SHC2: variants seen among roughly 807,000 people sequenced by gnomAD.
SHC2 encodes SHC-transforming protein 2.
In SHC2, 62 loss-of-function variants were observed where a neutral mutation model predicts 60.6. The ratio of observed to expected loss-of-function variants is 1.02; its 90% CI spans 0.83 to 1.26. SHC2 has a LOEUF of 1.26. Ranked by LOEUF, SHC2 falls within the 50% of genes most tolerant of loss-of-function variation. The pLI, the probability that SHC2 is intolerant of heterozygous loss-of-function variation, is 0.00. For missense variants in SHC2, 873 were observed against 822.2 expected (o/e 1.06, Z -0.76); for synonymous variants, 375 against 372.4 (o/e 1.01, Z -0.08).
At chr19:452,976 G>A (rs79621546) in intron 1 of SHC2, among the ~76,000 whole-genome samples, 3,382 of 152,252 alleles carry the variant, frequency 0.022, 129 homozygotes, top group African/African-American at 0.076. Context: ...GAGGGAGAAC[G>A]GCCGGAGTCT....
Position 434,833 on chromosome 19 carries a change from TC to T in SHC2, c.985del (p.Asp329ThrfsTer24). On this transcript the variant is annotated frameshift_variant, in exon 8 of 13. Coordinates refer to ENST00000264554, the MANE Select transcript of SHC2 (RefSeq NM_012435.3). LOFTEE classifies it high-confidence loss of function. ...ATTGTGCTCCAAAGAGTCCTCCTCG[TC>T]CCCCCAGGCCGACTCCTCCGGCCCT... The part of the protein sequence containing the change: ...LAGPEESAWG[D>X]EEDSLEHNYY... 1 of 1,611,652 alleles carries T rather than the reference TC, an allele frequency of 6.2e-7. No individual in the cohort carries two copies. Among genetic ancestry groups the T allele is most frequent in the South Asian group, 1.1e-5 (1 of 91,052 alleles).
intron 12 of SHC2, among the ~76,000 whole-genome samples, 161 bp downstream of exon 12, chr19:418,762 G>A (rs1041047339): frequency 6.6e-6 from 1 of 152,128 alleles, no homozygotes; most frequent in Non-Finnish European, 1.5e-5. Context: ...AGAATGTTCT[G>A]GAATTCGACA....
intron 5 of SHC2, 66 bp downstream of exon 5, chr19:436,564 A>T: frequency 6.3e-7 from 1 of 1,587,928 alleles, no homozygotes; most frequent in Non-Finnish European, 8.6e-7. Context: ...CTGGGGAAGG[A>T]TGAGAGGGTC....
Position 425,471 on chromosome 19 carries a change from C to A in SHC2, c.1175-240G>T, listed in dbSNP as rs1974392768. Reference sequence around the variant, plus strand: ...GGGACAAGAGTGGGGCAGCGTGCGGCTGGGGCTGTGGGCACCAGACGTCCA... The same window carrying A: ...GGGACAAGAGTGGGGCAGCGTGCGGATGGGGCTGTGGGCACCAGACGTCCA... On this transcript the variant is annotated intron_variant, in intron 9 of 12. Transcript: ENST00000264554. This position sits in a 1 kb window ranked among gnomAD's most constrained non-coding sequence, Gnocchi z 4.1. 6.6e-6 allele frequency among the ~76,000 whole-genome samples: 1 copy of A among 152,190 alleles called. No individual in the cohort carries two copies. The highest frequency in any genetic ancestry group is 2.4e-5 in the African/African-American group (1 of 41,450).
At position 425,299 on chromosome 19, in the gene SHC2, G is replaced by A. The variant is rs903593809; in HGVS notation, c.1175-68C>T. Reference sequence around the variant, plus strand: ...GCGAGGGGCTCGCAGGGAGCAAGGCGGGGTCCCACGAGGAGCTCCCCCGGC... The same window carrying A: ...GCGAGGGGCTCGCAGGGAGCAAGGCAGGGTCCCACGAGGAGCTCCCCCGGC... On this transcript the variant is annotated intron_variant, in intron 9 of 12. Transcript: ENST00000264554. The surrounding 1 kb of genome is among the most constrained non-coding windows in gnomAD (Gnocchi z 4.1). The A allele has an allele frequency of 7.2e-6, 9 of 1,243,196 alleles. No individual in the cohort carries two copies. The highest frequency in any genetic ancestry group is 9.2e-6 in the Non-Finnish European group (9 of 977,826). The allele number at this position is 1,243,196 out of a possible 1,614,324, so 77.0% of individuals were successfully genotyped here.
chr19:427,013 G>A (rs1354337336), intron 9 of SHC2, among the ~76,000 whole-genome samples: 2 of 152,220 alleles, frequency 1.3e-5, no homozygotes, highest in African/African-American at 4.8e-5. Context: ...TGGGCACAGG[G>A]GCAGGGAACG....
chr19:421,541 C>T (rs1354056309), intron 11 of SHC2, among the ~76,000 whole-genome samples: 2 of 152,014 alleles, frequency 1.3e-5, no homozygotes, highest in African/African-American at 4.8e-5. Context: ...CTTTGTACAC[C>T]CTCAAATAAA....
Position 421,454 on chromosome 19 carries a change from G to T in SHC2, c.1620+692C>A, listed in dbSNP as rs150909195. 8.5e-3 allele frequency among the ~76,000 whole-genome samples: 659 copies of T among 77,096 alleles called. 7 individuals are homozygous for T. The highest frequency in any genetic ancestry group is 0.028 in the African/African-American group (619 of 22,400). The allele number at this position is 77,096 out of a possible 152,430, so 50.6% of individuals were successfully genotyped here. A position where few individuals can be genotyped will look rare whatever the true frequency, so the allele number is the denominator to read the frequency against. ...AAAAGAGAGAAAAAAAGGAAAGGAGGGAGGGAGAGAGGGAGGAAGAAGGAA... is the reference window on the plus strand; with the variant it reads ...AAAAGAGAGAAAAAAAGGAAAGGAGTGAGGGAGAGAGGGAGGAAGAAGGAA... On this transcript the variant is annotated intron_variant, in intron 11 of 12. Transcript: ENST00000264554.
rs1181950723 is a variant in SHC2 at position 430,869 on chromosome 19, C to G, written c.1111-122G>C. The G allele has an allele frequency of 4.8e-6, 4 of 836,108 alleles. No homozygotes were observed. The African/African-American group carries it at 5.1e-5, about 11-fold the overall frequency. 51.8% of individuals were successfully genotyped at this position (836,108 alleles called of 1,614,324 possible). ...GAGACTTAGGGGTGGGGAGCACAGCCCTGGCCCTCCCATTGCTCTCTCACT... is the reference window on the plus strand; with the variant it reads ...GAGACTTAGGGGTGGGGAGCACAGCGCTGGCCCTCCCATTGCTCTCTCACT... On this transcript the variant is annotated intron_variant, in intron 8 of 12. Transcript: ENST00000264554.
intron 9 of SHC2, among the ~76,000 whole-genome samples, chr19:428,080 C>G (rs1974467411): frequency 6.6e-6 from 1 of 152,148 alleles, no homozygotes; most frequent in African/African-American, 2.4e-5. Context: ...TAAAAATGTG[C>G]TGGGTGCAGT....
rs879697648 is a variant in SHC2 at position 424,650 on chromosome 19, C to T, written c.1309+447G>A. ...CACTGACCATTCTTTCAAGGAATGACGAACCTCCTCCCTTCAGACCGGGGG... is the reference window on the plus strand; with the variant it reads ...CACTGACCATTCTTTCAAGGAATGATGAACCTCCTCCCTTCAGACCGGGGG... On this transcript the variant is annotated intron_variant, in intron 10 of 12. Transcript: ENST00000264554. The surrounding 1 kb of genome is among the most constrained non-coding windows in gnomAD (Gnocchi z 4.5). Among the ~76,000 whole-genome samples the T allele has an allele frequency of 2.0e-5, 3 of 152,154 alleles. No individual in the cohort carries two copies. Among genetic ancestry groups the T allele is most frequent in the Non-Finnish European group, 4.4e-5 (3 of 68,030 alleles).
In SHC2 at chr19:431,418, GAGTT is replaced by G. The variant is rs1213230400; in HGVS notation, c.1111-675_1111-672del. On this transcript the variant is annotated intron_variant, in intron 8 of 12. Coordinates refer to ENST00000264554, the MANE Select transcript of SHC2 (RefSeq NM_012435.3). Reference sequence around the variant, plus strand: ...TCATCGTGAGTGAGATCGTGAGTGAGAGTTAGAGGAGGCCGGGCAGATGGCGCTT... The same window carrying G: ...TCATCGTGAGTGAGATCGTGAGTGAGAGAGGAGGCCGGGCAGATGGCGCTT... Among the ~76,000 whole-genome samples the G allele has an allele frequency of 1.8e-5, 2 of 113,158 alleles. 1 individual carries two copies. Among genetic ancestry groups the G allele is most frequent in the Non-Finnish European group, 3.5e-5 (2 of 56,986 alleles). 74.2% of individuals were successfully genotyped at this position (113,158 alleles called of 152,430 possible).
intron 1 of SHC2, among the ~76,000 whole-genome samples, chr19:454,009 G>T (rs1008764103): frequency 6.6e-6 from 1 of 152,230 alleles, no homozygotes; most frequent in Non-Finnish European, 1.5e-5. Context: ...GGCCTCTCCA[G>T]GAGACAAGCT....
rs764966816 is a variant in SHC2 at position 460,512 on chromosome 19, G to A, written c.468+17C>T. ...GCCGCCGCGAACGGGCTCCCGGGGG[G>A]GGTGGGGGGGACTCACCCGCACGAC... On this transcript the variant is annotated intron_variant, in intron 1 of 12. Transcript: ENST00000264554. The A allele has an allele frequency of 2.2e-5, 27 of 1,240,906 alleles. No individual in the cohort carries two copies. The highest frequency in any genetic ancestry group is 7.7e-5 in the East Asian group (2 of 26,026). The allele number at this position is 1,240,906 out of a possible 1,614,324, so 76.9% of individuals were successfully genotyped here.
intron 11 of SHC2, among the ~76,000 whole-genome samples, chr19:420,322 C>G (rs1211112421): frequency 1.3e-5 from 2 of 152,174 alleles, no homozygotes; most frequent in Non-Finnish European, 2.9e-5. Context: ...AGAGCCCCCA[C>G]CTGCCCGCCC....
chr19:460,345 C>T (rs1176429880), intron 1 of SHC2, among the ~76,000 whole-genome samples, 184 bp downstream of exon 1: 1 of 151,766 alleles, frequency 6.6e-6, no homozygotes, highest in Non-Finnish European at 1.5e-5. Flanking sequence ...GGAACCCGGA[C>T]CCCAGCGCCT....
chr19:455,441 C>T (rs902967826), intron 1 of SHC2, among the ~76,000 whole-genome samples: 1 of 152,248 alleles, frequency 6.6e-6, no homozygotes, highest in Non-Finnish European at 1.5e-5. Context: ...CAGGACTCGG[C>T]GTGAGCCTCG....
chr19:429,395 T>C (rs1303778708), intron 9 of SHC2, among the ~76,000 whole-genome samples: 4 of 145,890 alleles, frequency 2.7e-5, no homozygotes, highest in South Asian at 4.4e-4. Flanking sequence ...GCAGTACCTA[T>C]ATCCAACATG....
intron 7 of SHC2, 193 bp downstream of exon 7, chr19:435,971 AG>A: frequency 1.7e-6 from 1 of 582,828 alleles, no homozygotes; most frequent in Non-Finnish European, 3.0e-6. Context: ...CCTGGGGGGC[AG>A]GCGGGGATGC....
Sources: gnomAD v4.1 joint callset for allele counts (sites outside exome capture counted in the v4.1 genomes callset) on GRCh38, gnomAD v4.1.1 for gene constraint, Gnocchi (gnomAD v3.1) non-coding constraint, MANE v1.5 for transcripts, NCBI Gene and HGNC (gene_info 2026-07-23, HGNC 2026-07-21) for gene names.